Variants in METTL25B observed in about 807,000 individuals in gnomAD.
The protein encoded by METTL25B is methyltransferase like 25B.
Under a neutral mutation model 48.4 loss-of-function variants are expected in METTL25B, and 38 were observed. That is an observed-to-expected ratio of 0.78 (90% CI 0.61 to 1.03). METTL25B has a LOEUF of 1.03. Among genes scored for constraint, METTL25B ranks in the 50% least tolerant of loss-of-function variants. The pLI, the probability that METTL25B is intolerant of heterozygous loss-of-function variation, is 0.00. For synonymous variants in METTL25B, 230 were observed against 254.5 expected (o/e 0.90, Z 0.92); for missense variants, 537 against 603.7 (o/e 0.89, Z 1.16).
chr1:156,730,574 A>AT (rs1649197687), intron 1 of METTL25B, among the ~76,000 whole-genome samples: 1 of 151,372 alleles, frequency 6.6e-6, no homozygotes, highest in Admixed American at 6.6e-5. Flanking sequence ...AATAAAATAA[A>AT]ATAAAAAAAT....
chr1:156,732,224 T>G lies in METTL25B; in HGVS notation c.237-57T>G, dbSNP rs1208933870. ...TCTTCCTGGGCCTCGGGTTGTAAAC[T>G]GCTGCACTCAGATGTGATGGGACTA... On this transcript the variant is annotated intron_variant, in intron 2 of 7. Coordinates refer to ENST00000368216, the MANE Select transcript of METTL25B (RefSeq NM_015997.4). 6 of 1,608,514 alleles carry G rather than the reference T, an allele frequency of 3.7e-6. No individual in the cohort carries two copies. In the African/African-American group the frequency reaches 8.0e-5, roughly 22 times the overall value.
rs1383961719 is a variant in METTL25B at position 156,732,028 on chromosome 1, G to A, written c.149G>A (p.Cys50Tyr). The change falls in exon 2 of 8, where the codon TGC (cysteine) becomes TAC (tyrosine). Residue 50 changes from cysteine (C) to tyrosine (Y), a missense_variant. Physicochemically the swap from Cys to Tyr is radical, Grantham distance 194 (BLOSUM62 -2). Transcript: ENST00000368216. ...FTDNLWDTLP[C>Y]SWQEALDGLK... is the part of the protein sequence containing the mutation. ...GACAACCTATGGGACACACTCCCTT[G>A]CTCATGGCAGGAAGCATTGGATGGA... 1 of 1,614,182 alleles carries A rather than the reference G, an allele frequency of 6.2e-7. No individual in the cohort carries two copies. The highest frequency in any genetic ancestry group is 1.3e-5 in the African/African-American group (1 of 75,046).
Position 156,734,175 on chromosome 1 carries a change from T to C in METTL25B, c.803T>C (p.Leu268Pro), listed in dbSNP as rs1357474745. The change falls in exon 6 of 8, where the codon CTG becomes CCG. Residue 268 changes from leucine to proline, a missense_variant. Physicochemically the swap from Leu to Pro is moderately conservative, Grantham distance 98. Transcript: ENST00000368216. ...TGTGGGGATCTGAGTGTTGCCTTGC[T>C]GAGACACTTCTCCTGCTGTCCTGAG... ...HACGDLSVALLRHFSCCPEVV... is the reference protein window; with the variant it reads ...HACGDLSVALPRHFSCCPEVV... 1 of 1,614,132 alleles carries C rather than the reference T, an allele frequency of 6.2e-7. No homozygotes were observed. The highest frequency in any genetic ancestry group is 8.5e-7 in the Non-Finnish European group (1 of 1,179,952).
intron 6 of METTL25B, chr1:156,735,517 T>C (rs1379603150): frequency 1.4e-5 from 1 of 73,288 alleles, no homozygotes; most frequent in East Asian, 3.5e-4. Context: ...CTGGGCTACG[T>C]AGAGAGACCC....
rs1649584896 is a variant in METTL25B at position 156,734,574 on chromosome 1, C to G, written c.1121+81C>G. On this transcript the variant is annotated intron_variant, in intron 6 of 7. Coordinates refer to ENST00000368216, the MANE Select transcript of METTL25B (RefSeq NM_015997.4). ...TGAGATGGAGTCTGGCTCTGTTGCC[C>G]AGGCTGGAGTGCAGTGGAGCGATCT... The G allele has an allele frequency of 2.1e-6, 3 of 1,411,616 alleles. No homozygotes were observed. The Admixed American group carries it at 8.2e-5, about 39-fold the overall frequency. 87.4% of individuals were successfully genotyped at this position (1,411,616 alleles called of 1,614,324 possible). A position where few individuals can be genotyped will look rare whatever the true frequency, so the allele number is the denominator to read the frequency against.
In METTL25B at chr1:156,728,946, C is replaced by A; in HGVS notation, c.-159C>A. ...GGGCGCCTCAAATCTTCCACTCCAG[C>A]ATCGGATCCCGGAAAGGCAGCGTCG... On this transcript the variant is annotated 5_prime_UTR_variant, in exon 1 of 8. Transcript: ENST00000368216. 1 of 566,822 alleles carries A rather than the reference C, an allele frequency of 1.8e-6. No individual in the cohort carries two copies. The highest frequency in any genetic ancestry group is 3.0e-6 in the Non-Finnish European group (1 of 338,126). 35.1% of individuals were successfully genotyped at this position (566,822 alleles called of 1,614,324 possible).
At chr1:156,731,417 C>T (rs1478148002) in intron 1 of METTL25B, among the ~76,000 whole-genome samples, 2 of 152,218 alleles carry the variant, frequency 1.3e-5, no homozygotes, top group Non-Finnish European at 2.9e-5. Flanking sequence ...AGCCACCATG[C>T]CCGGCCAAAG....
intron 5 of METTL25B, 53 bp from the exon 6 acceptor site, chr1:156,733,956 T>C: frequency 1.3e-6 from 2 of 1,544,958 alleles, no homozygotes; most frequent in South Asian, 1.2e-5. Flanking sequence ...TGAGGTGGCC[T>C]GGGGACAGCA....
Position 156,733,367 on chromosome 1 carries a change from G to A in METTL25B, c.493-10G>A, listed in dbSNP as rs370693645. 12 of 1,613,824 alleles carry A rather than the reference G, an allele frequency of 7.4e-6. No homozygotes were observed. In the African/African-American group the frequency reaches 8.0e-5, roughly 11 times the overall value. On this transcript the variant is annotated splice_polypyrimidine_tract_variant and intron_variant, in intron 4 of 7. Transcript: ENST00000368216. ...GAACAGGGCTGTTTCCATCCTCCTC[G>A]TGACTCCAGGGCCATCTCTCCCGCT...
Position 156,728,970 on chromosome 1 carries a change from C to A in METTL25B, c.-135C>A. On this transcript the variant is annotated 5_prime_UTR_variant, in exon 1 of 8. Coordinates refer to ENST00000368216, the MANE Select transcript of METTL25B (RefSeq NM_015997.4). ...GCATCGGATCCCGGAAAGGCAGCGTCGGAGACTGGACCCAAAACTCTTCCT... is the reference window on the plus strand; with the variant it reads ...GCATCGGATCCCGGAAAGGCAGCGTAGGAGACTGGACCCAAAACTCTTCCT... 1.7e-6 allele frequency: 1 copy of A among 572,378 alleles called. No individual in the cohort carries two copies. Among genetic ancestry groups the A allele is most frequent in the Non-Finnish European group, 2.9e-6 (1 of 342,644 alleles). 35.5% of individuals were successfully genotyped at this position (572,378 alleles called of 1,614,324 possible). A position where few individuals can be genotyped will look rare whatever the true frequency, so the allele number is the denominator to read the frequency against.
At chr1:156,731,316 G>T (rs368677602) in intron 1 of METTL25B, among the ~76,000 whole-genome samples, 1 of 152,146 alleles carries the variant, frequency 6.6e-6, no homozygotes, top group East Asian at 1.9e-4. Flanking sequence ...TCGAGACGGG[G>T]TTTCACCATA....
rs1649364137 is a variant in METTL25B, at chr1:156,732,287, G to A, written c.243G>A (p.Arg81=). The A allele has an allele frequency of 6.2e-7, 1 of 1,614,118 alleles. No homozygotes were observed. Among genetic ancestry groups the A allele is most frequent in the Non-Finnish European group, 8.5e-7 (1 of 1,180,050 alleles). Residue 81 remains arginine (R), a synonymous_variant, in exon 3 of 8, where the codon AGG becomes AGA. Coordinates refer to ENST00000368216, the MANE Select transcript of METTL25B (RefSeq NM_015997.4). ...CTCGGCTGGACTATCTCAGGTACAG[G>A]TCAGTGTGGCCACTCACCCTGCTGG... ...MPGEGEVVRY[R]SVWPLTLLAL...
intron 1 of METTL25B, among the ~76,000 whole-genome samples, chr1:156,731,201 G>A: frequency 6.6e-6 from 1 of 152,198 alleles, no homozygotes; most frequent in Non-Finnish European, 1.5e-5. Context: ...TAGGCTCACT[G>A]CAGCCTCTGC....
intron 7 of METTL25B, 100 bp from the exon 8 acceptor site, chr1:156,736,532 C>T (rs1649819343): frequency 7.1e-7 from 1 of 1,414,210 alleles, no homozygotes; most frequent in Admixed American, 1.9e-5. Context: ...CCGCTGGATC[C>T]TCCCCCATGG....
rs1005865320 is a variant in METTL25B at position 156,733,897 on chromosome 1, A to G, written c.637-112A>G. 4.9e-6 allele frequency: 7 copies of G among 1,441,342 alleles called. No homozygotes were observed. The African/African-American group carries it at 7.1e-5, about 15-fold the overall frequency. 89.3% of individuals were successfully genotyped at this position (1,441,342 alleles called of 1,614,324 possible). A position where few individuals can be genotyped will look rare whatever the true frequency, so the allele number is the denominator to read the frequency against. On this transcript the variant is annotated intron_variant, in intron 5 of 7. Coordinates refer to ENST00000368216, the MANE Select transcript of METTL25B (RefSeq NM_015997.4). ...CCCTCCCGCACCCACCTTATCTCCC[A>G]CATTCCTCCTTGGGGAATAACATGG...
chr1:156,729,135 C>G lies in METTL25B; in HGVS notation c.31C>G (p.His11Asp). Residue 11 changes from histidine to aspartate, a missense_variant, in exon 1 of 8, where the codon CAT (histidine) becomes GAT (aspartate). Coordinates refer to ENST00000368216, the MANE Select transcript of METTL25B (RefSeq NM_015997.4). ...GGGCATCTCCGCCCGAGGCCTCTCT[C>G]ATGAGGGGAGGAAGCAGCTAGCTGT... MPGISARGLS[H>D]EGRKQLAVNL... The G allele has an allele frequency of 6.2e-7, 1 of 1,610,864 alleles. No individual in the cohort carries two copies. The highest frequency in any genetic ancestry group is 1.1e-5 in the South Asian group (1 of 90,750).
rs1649469570 is a variant in METTL25B at position 156,733,529 on chromosome 1, A to G, written c.636+9A>G. On this transcript the variant is annotated intron_variant, in intron 5 of 7. Coordinates refer to ENST00000368216, the MANE Select transcript of METTL25B (RefSeq NM_015997.4). The stretch of plus-strand genomic sequence containing the variant: ...AGAAGAGGAACCCGCAGGTAGGCCA[A>G]CCCTTCCTGCGACCTGGACTGCAGG... The G allele has an allele frequency of 1.9e-6, 3 of 1,612,828 alleles. No homozygotes were observed. Among genetic ancestry groups the G allele is most frequent in the South Asian group, 2.2e-5 (2 of 91,016 alleles).
intron 1 of METTL25B, among the ~76,000 whole-genome samples, chr1:156,730,477 ACT>A (rs1437913227): frequency 6.6e-6 from 1 of 151,880 alleles, no homozygotes; most frequent in Admixed American, 6.6e-5. Flanking sequence ...TAATCCTAGC[ACT>A]CTGGGAGGCC....
chr1:156,735,117 C>T (rs1336850813), intron 6 of METTL25B, among the ~76,000 whole-genome samples: 4 of 151,382 alleles, frequency 2.6e-5, no homozygotes, highest in South Asian at 4.2e-4. Context: ...GGCGAAACCC[C>T]GTCCCTACTA....
Sources: gnomAD v4.1 joint callset for allele counts (sites outside exome capture counted in the v4.1 genomes callset) on GRCh38, gnomAD v4.1.1 for gene constraint, MANE v1.5 for transcripts, NCBI Gene and HGNC (gene_info 2026-07-23, HGNC 2026-07-21) for gene names.